Variants in ADCYAP1R1 observed in about 807,000 individuals in gnomAD.
The protein encoded by ADCYAP1R1 is ADCYAP receptor type I, also known as pituitary adenylate cyclase-activating polypeptide type I receptor.
Under a neutral mutation model 67.6 loss-of-function variants are expected in ADCYAP1R1, and 44 were observed. The observed-to-expected ratio is 0.65, with a 90% CI of 0.51 to 0.84. The LOEUF is 0.84. Among genes scored for constraint, ADCYAP1R1 ranks in the 40% least tolerant of loss-of-function variants. The pLI, the probability that ADCYAP1R1 is intolerant of heterozygous loss-of-function variation, is 0.00. For missense variants in ADCYAP1R1, 477 were observed against 587.9 expected, an observed-to-expected ratio of 0.81 and a Z score of 1.95; for synonymous variants, 222 against 219.6, an observed-to-expected ratio of 1.01 and a Z score of -0.10.
intron 13 of ADCYAP1R1, 145 bp downstream of exon 13, chr7:31,092,880 T>G: frequency 3.2e-6 from 2 of 615,706 alleles, no homozygotes; most frequent in Non-Finnish European, 5.6e-6. Context: ...TAAAGAGCCT[T>G]TAATATAGTT....
At chr7:31,088,231 C>T (rs930184858) in intron 12 of ADCYAP1R1, among the ~76,000 whole-genome samples, 2 of 152,172 alleles carry the variant, frequency 1.3e-5, no homozygotes, top group Non-Finnish European at 2.9e-5. Flanking sequence ...TTGTTTTTAT[C>T]GTGAATATTC....
intron 13 of ADCYAP1R1, among the ~76,000 whole-genome samples, chr7:31,096,317 T>C (rs989721074): frequency 1.3e-5 from 2 of 152,122 alleles, no homozygotes; most frequent in African/African-American, 2.4e-5. Flanking sequence ...TCTCTGGAGA[T>C]GGCTGTGCCG....
At chr7:31,064,632 A>T (rs894053645) in intron 2 of ADCYAP1R1, among the ~76,000 whole-genome samples, 199 bp from the exon 3 acceptor site, 1 of 152,164 alleles carries the variant, frequency 6.6e-6, no homozygotes, top group South Asian at 2.1e-4. Context: ...CCACACATTG[A>T]GTTGGTGACT....
At chr7:31,061,026 G>A (rs927081494) in intron 1 of ADCYAP1R1, among the ~76,000 whole-genome samples, 1 of 152,194 alleles carries the variant, frequency 6.6e-6, no homozygotes, top group African/African-American at 2.4e-5. Context: ...TCATACTGGG[G>A]TCAGAGGTTA....
At chr7:31,100,069 G>T (rs1796375254) in intron 13 of ADCYAP1R1, 7 of 1,503,294 alleles carry the variant, frequency 4.7e-6, no homozygotes, top group South Asian at 1.2e-5. Context: ...TGTAAACTGA[G>T]TTTCTTCACT....
rs201446647 is a variant in ADCYAP1R1, at chr7:31,103,501, C to CT, written c.1176+136dup. 4.4e-5 allele frequency: 55 copies of CT among 1,247,368 alleles called. No individual in the cohort carries two copies. The African/African-American group carries it at 7.0e-4, about 16-fold the overall frequency. 77.3% of individuals were successfully genotyped at this position (1,247,368 alleles called of 1,614,324 possible). A position where few individuals can be genotyped will look rare whatever the true frequency, so the allele number is the denominator to read the frequency against. ...AGTAGAGGTGATGAGGGAGCCCTGT[C>CT]TGCTGTCTACCCTTAGGGCTCCTGT... On this transcript the variant is annotated intron_variant, in intron 14 of 15. Transcript: ENST00000304166.
At chr7:31,078,668 A>G (rs1196380859) in intron 4 of ADCYAP1R1, among the ~76,000 whole-genome samples, 1 of 152,206 alleles carries the variant, frequency 6.6e-6, no homozygotes, top group Admixed American at 6.5e-5. Flanking sequence ...AGACGCAGGC[A>G]CAAGGCCCGT....
At position 31,111,059 on chromosome 7, in the gene ADCYAP1R1, C is replaced by T. The variant is rs1455073175; in HGVS notation, c.*4375C>T. On this transcript the variant is annotated 3_prime_UTR_variant, in exon 16 of 16. Coordinates refer to ENST00000304166, the MANE Select transcript of ADCYAP1R1 (RefSeq NM_001118.5). ...CTAGCTTTACCTGCATCCGCTGATT[C>T]AGTTTTCTGTTGGGATCAGAGTGAG... 1 of 152,224 alleles carries T rather than the reference C, an allele frequency of 6.6e-6. No homozygotes were observed. The highest frequency in any genetic ancestry group is 1.9e-4 in the East Asian group (1 of 5,204). 9.4% of individuals were successfully genotyped at this position (152,224 alleles called of 1,614,324 possible).
chr7:31,064,683 GCC>G, intron 2 of ADCYAP1R1, 146 bp from the exon 3 acceptor site: 1 of 641,074 alleles, frequency 1.6e-6, no homozygotes, highest in Non-Finnish European at 2.7e-6. Context: ...GAATGTCAGG[GCC>G]CCTGCTGGCC....
intron 12 of ADCYAP1R1, 87 bp downstream of exon 12, chr7:31,087,783 C>T (rs533745034): frequency 9.7e-7 from 1 of 1,029,662 alleles, no homozygotes; most frequent in South Asian, 1.4e-5. Flanking sequence ...AGAGTCCCCA[C>T]ACAACCTGAC....
At chr7:31,087,529 GA>G (rs1158814520) in intron 11 of ADCYAP1R1, 97 bp from the exon 12 acceptor site, 1 of 1,065,040 alleles carries the variant, frequency 9.4e-7, no homozygotes, top group African/African-American at 1.6e-5. Flanking sequence ...CTGCGGTGGT[GA>G]AAGTGTCGGG....
intron 4 of ADCYAP1R1, among the ~76,000 whole-genome samples, chr7:31,078,396 G>GC (rs1315188122): frequency 2.0e-5 from 3 of 152,200 alleles, no homozygotes; most frequent in Non-Finnish European, 4.4e-5. Flanking sequence ...TGGCCCGGTG[G>GC]CCCCCTCCCA....
chr7:31,054,629 GTCCCAGGTTGCCGCCC>G (rs1320826593), intron 1 of ADCYAP1R1, among the ~76,000 whole-genome samples: 6 of 152,232 alleles, frequency 3.9e-5, no homozygotes, highest in Non-Finnish European at 7.3e-5. Context: ...AAGCTGGAGT[GTCCCAGGTTGCCGCCC>G]TCCCAGGGAC....
intron 3 of ADCYAP1R1, among the ~76,000 whole-genome samples, chr7:31,066,995 T>C (rs993706027): frequency 6.6e-6 from 1 of 152,122 alleles, no homozygotes; most frequent in Non-Finnish European, 1.5e-5. Context: ...TTTCATGTCA[T>C]CTCCACTGGA....
chr7:31,070,883 A>T (rs112476168), intron 3 of ADCYAP1R1, among the ~76,000 whole-genome samples: 143 of 152,284 alleles, frequency 9.4e-4, no homozygotes, highest in Middle Eastern at 3.4e-3. Context: ...TGTGGTCCAT[A>T]TCTTGAGAAT....
At chr7:31,096,477 G>T (rs1796200202) in intron 13 of ADCYAP1R1, among the ~76,000 whole-genome samples, 1 of 152,194 alleles carries the variant, frequency 6.6e-6, no homozygotes, top group South Asian at 2.1e-4. Context: ...CATGTTAGGG[G>T]CTGGCAGTAG....
At chr7:31,099,187 C>T (rs904667048) in intron 13 of ADCYAP1R1, among the ~76,000 whole-genome samples, 2 of 152,154 alleles carry the variant, frequency 1.3e-5, no homozygotes, top group African/African-American at 2.4e-5. Flanking sequence ...CCTGGGCCCC[C>T]CTCCTTGAGG....
chr7:31,085,831 G>A (rs2128630804), intron 9 of ADCYAP1R1, among the ~76,000 whole-genome samples: 1 of 152,320 alleles, frequency 6.6e-6, no homozygotes. Flanking sequence ...TTGGCCAGGG[G>A]TCTTTCCAGA....
chr7:31,085,971 G>A (rs1795728639), intron 9 of ADCYAP1R1, among the ~76,000 whole-genome samples: 1 of 152,202 alleles, frequency 6.6e-6, no homozygotes, highest in South Asian at 2.1e-4. Context: ...GAGCCTCTAT[G>A]AGTAGAGATT....
Sources: allele counts gnomAD v4.1 joint callset (sites outside exome capture counted in the v4.1 genomes callset), GRCh38; gene constraint gnomAD v4.1.1; transcripts MANE v1.5; gene names NCBI Gene and HGNC (gene_info 2026-07-23, HGNC 2026-07-21).